The following SMARCA5 variants were observed in gnomAD, a reference collection of about 807,000 sequenced individuals.
The protein encoded by SMARCA5 is SWI/SNF-related matrix-associated actin-dependent regulator of chromatin subfamily A member 5.
In SMARCA5, 18 loss-of-function variants were observed where a neutral mutation model predicts 140.4. The observed-to-expected ratio is 0.13, with a 90% CI of 0.09 to 0.19. The LOEUF (loss-of-function observed/expected upper bound fraction) is 0.19, where lower values mean the gene tolerates loss of function less well. Among genes scored for constraint, SMARCA5 ranks in the 10% least tolerant of loss-of-function variants. The probability of loss-of-function intolerance (pLI) is 1.00; values close to 1 mark genes in which losing one functional copy is unlikely to be tolerated. For synonymous variants in SMARCA5, 449 were observed against 419.6 expected (o/e 1.07, Z -0.86); for missense variants, 606 against 1,276.8 (o/e 0.47, Z 8.01).
intron 23 of SMARCA5, among the ~76,000 whole-genome samples, chr4:143,550,939 C>T (rs1467117359): frequency 6.6e-6 from 1 of 151,870 alleles, no homozygotes; most frequent in East Asian, 1.9e-4. Flanking sequence ...GGGTGTAAAC[C>T]TAGGAGTAGG....
At position 143,538,631 on chromosome 4, in the gene SMARCA5, G is replaced by T; in HGVS notation, c.1537G>T (p.Asp513Tyr). ...LIFSQMTRVL[D>Y]ILEDYCMWRN... ...CTTCAGTCAAATGACAAGGGTATTG[G>T]ACATTTTGGAAGATTATTGCATGTG... The change falls in exon 12 of 24, where the codon GAC becomes TAC. Residue 513 changes from aspartate (D) to tyrosine (Y), a missense_variant. This residue lies in a region of SMARCA5 where 68 missense variants were observed against 126.9 expected (regional missense o/e 0.54). Transcript: ENST00000283131. 1 of 1,612,452 alleles carries T rather than the reference G, an allele frequency of 6.2e-7. No individual in the cohort carries two copies. The highest frequency in any genetic ancestry group is 1.1e-5 in the South Asian group (1 of 91,018).
Position 143,513,954 on chromosome 4 carries a change from C to A in SMARCA5, c.30C>A (p.Pro10=). 6.4e-7 allele frequency: 1 copy of A among 1,551,336 alleles called. No individual in the cohort carries two copies. The change falls in exon 1 of 24, where the codon CCC becomes CCA. Residue 10 remains proline, a synonymous_variant. Coordinates refer to ENST00000283131, the MANE Select transcript of SMARCA5 (RefSeq NM_003601.4). ...CGTCCGCGGCCGAGCCTCCGCCACC[C>A]CCGCCTCCCGAGAGCGCGCCTTCCA... The part of the protein sequence containing the change: MSSAAEPPP[P]PPPESAPSKP...
intron 16 of SMARCA5, 56 bp downstream of exon 16, chr4:143,544,028 A>G (rs1737478315): frequency 1.5e-6 from 2 of 1,335,638 alleles, no homozygotes; most frequent in South Asian, 1.8e-5. Flanking sequence ...GGAAACTTGG[A>G]ATTTTAAGTG....
In SMARCA5 at chr4:143,547,406, A is replaced by G. The variant is rs200620340; in HGVS notation, c.2675A>G (p.Asn892Ser). Residue 892 changes from asparagine to serine, a missense_variant, in exon 21 of 24, where the codon AAC becomes AGC. By Grantham distance (46) the Asn-to-Ser change is conservative (BLOSUM62 1). Transcript: ENST00000283131. ...ACAGCTGTGTTTTGGGAAAGGTGCA[A>G]CGAGCTCCAGGACATAGAGAAGATT... is the stretch of plus-strand genomic sequence containing the variant. ...EYSAVFWERC[N>S]ELQDIEKIMA... The G allele has an allele frequency of 2.7e-4, 436 of 1,601,314 alleles. No homozygotes were observed. The highest frequency in any genetic ancestry group is 3.5e-4 in the Non-Finnish European group (406 of 1,169,872).
intron 2 of SMARCA5, 81 bp downstream of exon 2, chr4:143,517,510 C>T (rs1195572325): frequency 7.6e-6 from 6 of 793,972 alleles, no homozygotes; most frequent in Admixed American, 3.2e-5. Context: ...CTATCTTAGT[C>T]CATTTTGTGT....
At chr4:143,517,471 T>C in intron 2 of SMARCA5, 42 bp downstream of exon 2, 1 of 1,254,770 alleles carries the variant, frequency 8.0e-7, no homozygotes, top group Non-Finnish European at 1.1e-6. Flanking sequence ...AGGAAAACTT[T>C]TTATCAGGTG....
intron 9 of SMARCA5, among the ~76,000 whole-genome samples, chr4:143,532,234 T>C (rs1737202287): frequency 1.3e-5 from 2 of 152,230 alleles, no homozygotes; most frequent in African/African-American, 2.4e-5. Flanking sequence ...ATGGCATTCA[T>C]GCATCTAAGC....
intron 1 of SMARCA5, among the ~76,000 whole-genome samples, chr4:143,515,222 A>G (rs549123013): frequency 6.6e-6 from 1 of 152,300 alleles, no homozygotes; most frequent in Admixed American, 6.5e-5. Flanking sequence ...TTGGCACAGT[A>G]GTTATATTTG....
chr4:143,554,969 T>C lies in SMARCA5; in HGVS notation c.*1785T>C, dbSNP rs1219493902. The C allele has an allele frequency of 1.8e-5, 8 of 440,006 alleles. No individual in the cohort carries two copies. In the East Asian group the frequency reaches 2.9e-4, roughly 16 times the overall value. The allele number at this position is 440,006 out of a possible 1,614,324, so 27.3% of individuals were successfully genotyped here. ...ACTTGAAAAAAAAGCATGAACCAGC[T>C]AGGCCCTGCCACCACTGTGTTTGGC... On this transcript the variant is annotated 3_prime_UTR_variant, in exon 24 of 24. Coordinates refer to ENST00000283131, the MANE Select transcript of SMARCA5 (RefSeq NM_003601.4).
chr4:143,546,926 G>A lies in SMARCA5; in HGVS notation c.2653+18G>A. On this transcript the variant is annotated intron_variant, in intron 20 of 23. Transcript: ENST00000283131. ...ATATTCAGGTAATTCTTTTAAGCAG[G>A]CTGTTGGAGTTTAGTAAGAGCTGTT... 5 of 1,610,298 alleles carry A rather than the reference G, an allele frequency of 3.1e-6. No individual in the cohort carries two copies. The highest frequency in any genetic ancestry group is 1.7e-5 in the Admixed American group (1 of 59,736).
chr4:143,550,214 C>A, intron 23 of SMARCA5, 110 bp downstream of exon 23: 1 of 474,932 alleles, frequency 2.1e-6, no homozygotes, highest in Non-Finnish European at 3.7e-6. Context: ...TGCACCCCTC[C>A]ATTGCCTTTA....
At chr4:143,528,981 C>A (rs1454642575) in intron 8 of SMARCA5, among the ~76,000 whole-genome samples, 1 of 152,094 alleles carries the variant, frequency 6.6e-6, no homozygotes, top group East Asian at 1.9e-4. Flanking sequence ...GTCACCTATG[C>A]TGAAGTGCAG....
intron 2 of SMARCA5, 116 bp from the exon 3 acceptor site, chr4:143,521,313 C>A: frequency 1.5e-6 from 1 of 662,172 alleles, no homozygotes; most frequent in Non-Finnish European, 2.6e-6. Context: ...TTGCATTTAT[C>A]TGTAGTTCTC....
At chr4:143,522,493 G>A (rs1338571440) in intron 3 of SMARCA5, among the ~76,000 whole-genome samples, 8 of 152,196 alleles carry the variant, frequency 5.3e-5, no homozygotes, top group Admixed American at 2.0e-4. Context: ...TCACTACACA[G>A]TTTGTTGAAA....
rs188607529 is a variant in SMARCA5 at position 143,534,026 on chromosome 4, A to G, written c.1159-829A>G. On this transcript the variant is annotated intron_variant, in intron 9 of 23. Coordinates refer to ENST00000283131, the MANE Select transcript of SMARCA5 (RefSeq NM_003601.4). ...GTTTGTGGCAACCCTGTGTCAAGGA[A>G]GTCTATCAATAAACACCGTTTTCCC... Among the ~76,000 whole-genome samples the G allele has an allele frequency of 3.2e-4, 48 of 152,338 alleles. No individual in the cohort carries two copies. In the East Asian group the frequency reaches 7.7e-3, roughly 24 times the overall value.
At chr4:143,546,665 C>T (rs1020289013) in intron 19 of SMARCA5, 111 bp from the exon 20 acceptor site, 2 of 975,122 alleles carry the variant, frequency 2.1e-6, no homozygotes, top group Non-Finnish European at 3.0e-6. Context: ...TCTAAAAGAA[C>T]TTAATAAACT....
At chr4:143,550,226 T>A in intron 23 of SMARCA5, 122 bp downstream of exon 23, 20 of 54,514 alleles carry the variant, frequency 3.7e-4, no homozygotes, top group East Asian at 9.0e-4. Context: ...TTGCCTTTAC[T>A]TTTTTTTTTT....
chr4:143,537,770 T>G (rs1282843738), intron 11 of SMARCA5, among the ~76,000 whole-genome samples: 1 of 151,972 alleles, frequency 6.6e-6, no homozygotes, highest in Non-Finnish European at 1.5e-5. Context: ...CAAAAAAAGT[T>G]AGCTGGGCAT....
rs1429764671 is a variant in SMARCA5, at chr4:143,556,875, G to T, written c.*3691G>T. 4 of 152,252 alleles carry T rather than the reference G, an allele frequency of 2.6e-5. No homozygotes were observed. The highest frequency in any genetic ancestry group is 9.6e-5 in the African/African-American group (4 of 41,532). 9.4% of individuals were successfully genotyped at this position (152,252 alleles called of 1,614,324 possible). ...TACAGTAGTTACCAGAAAAGACTAT[G>T]CTACAAGAACCAAAATTGAAGTAAG... On this transcript the variant is annotated 3_prime_UTR_variant, in exon 24 of 24. Coordinates refer to ENST00000283131, the MANE Select transcript of SMARCA5 (RefSeq NM_003601.4).
Sources: gnomAD v4.1 joint callset for allele counts (sites outside exome capture counted in the v4.1 genomes callset) on GRCh38, gnomAD v4.1.1 for gene constraint, gnomAD v4.1.1 regional missense constraint, MANE v1.5 for transcripts, NCBI Gene and HGNC (gene_info 2026-07-23, HGNC 2026-07-21) for gene names.